Variants in SNTB1 observed in about 807,000 individuals in gnomAD.
SNTB1 encodes the protein beta-1-syntrophin.
SNTB1 carries 36 observed loss-of-function variants against 48.9 expected under a neutral mutation model. The ratio of observed to expected loss-of-function variants is 0.74; its 90% CI spans 0.56 to 0.97. The LOEUF is 0.97. Ranked by LOEUF, SNTB1 falls within the 50% of genes least tolerant of loss-of-function variation. The pLI, the probability that SNTB1 is intolerant of heterozygous loss-of-function variation, is 0.00. For synonymous variants in SNTB1, 299 were observed against 294.6 expected (o/e 1.01, Z -0.15); for missense variants, 786 against 703.4 (o/e 1.12, Z -1.33).
intron 3 of SNTB1, among the ~76,000 whole-genome samples, chr8:120,575,762 G>A (rs1024835011): frequency 2.0e-5 from 3 of 152,166 alleles, no homozygotes; most frequent in African/African-American, 7.2e-5. Context: ...CTCTGGTTCT[G>A]TTGAATGTCC....
At chr8:120,659,992 G>A (rs944121950) in intron 2 of SNTB1, among the ~76,000 whole-genome samples, 11 of 152,156 alleles carry the variant, frequency 7.2e-5, no homozygotes, top group African/African-American at 2.7e-4. Flanking sequence ...CTCAACAGTG[G>A]TCTTAAAATA....
chr8:120,770,775 T>C (rs1188477077), intron 1 of SNTB1, among the ~76,000 whole-genome samples: 2 of 152,186 alleles, frequency 1.3e-5, no homozygotes, highest in African/African-American at 4.8e-5. Flanking sequence ...ATTGTGGCAT[T>C]GCACTCCAGC....
Position 120,632,595 on chromosome 8 carries a change from T to C in SNTB1, c.845A>G (p.Asp282Gly), listed in dbSNP as rs1817003077. The C allele has an allele frequency of 6.2e-7, 1 of 1,614,044 alleles. No homozygotes were observed. Among genetic ancestry groups the C allele is most frequent in the African/African-American group, 1.3e-5 (1 of 74,986 alleles). Residue 282 changes from aspartate to glycine, a missense_variant, in exon 3 of 7, where the codon GAC becomes GGC. Transcript: ENST00000517992. The stretch of plus-strand genomic sequence containing the variant: ...GAACCATGCCTGGGCCGTGGCTGAG[T>C]CCTTGCTCCTTAGGATCACCGTGTG... ...AKHTVILRSK[D>G]SATAQAWFSA...
chr8:120,675,272 A>C (rs1817817284), intron 2 of SNTB1, among the ~76,000 whole-genome samples: 1 of 152,208 alleles, frequency 6.6e-6, no homozygotes, highest in Non-Finnish European at 1.5e-5. Flanking sequence ...TTTACAAAAC[A>C]GGCTAAGCTT....
At chr8:120,752,074 C>T (rs1819227310) in intron 1 of SNTB1, among the ~76,000 whole-genome samples, 1 of 152,050 alleles carries the variant, frequency 6.6e-6, no homozygotes, top group South Asian at 2.1e-4. Context: ...TTAAAAATGA[C>T]ATACACAGTG....
At chr8:120,742,964 T>A (rs1018309591) in intron 1 of SNTB1, among the ~76,000 whole-genome samples, 1 of 152,128 alleles carries the variant, frequency 6.6e-6, no homozygotes, top group African/African-American at 2.4e-5. Context: ...ATTCATATTT[T>A]TGAAAATGAG....
At chr8:120,741,429 C>T (rs1019664965) in intron 1 of SNTB1, among the ~76,000 whole-genome samples, 1 of 152,086 alleles carries the variant, frequency 6.6e-6, no homozygotes, top group South Asian at 2.1e-4. Flanking sequence ...GCCAACATGG[C>T]AAAATGCTGT....
chr8:120,561,186 G>T (rs1192878300), intron 4 of SNTB1, among the ~76,000 whole-genome samples: 1 of 151,842 alleles, frequency 6.6e-6, no homozygotes, highest in East Asian at 1.9e-4. Context: ...AATTAGACGG[G>T]CATGGTAGCA....
intron 2 of SNTB1, among the ~76,000 whole-genome samples, chr8:120,658,494 A>G (rs138211795): frequency 6.6e-6 from 1 of 152,356 alleles, no homozygotes; most frequent in East Asian, 1.9e-4. Context: ...ATATGACCAT[A>G]CAGTGAATAT....
chr8:120,596,440 C>T (rs1370488401), intron 3 of SNTB1, among the ~76,000 whole-genome samples: 1 of 152,180 alleles, frequency 6.6e-6, no homozygotes, highest in Non-Finnish European at 1.5e-5. Context: ...TTGCTACAAA[C>T]CAATCATGAC....
At chr8:120,785,599 G>A (rs745971860) in intron 1 of SNTB1, among the ~76,000 whole-genome samples, 13 of 152,236 alleles carry the variant, frequency 8.5e-5, no homozygotes, top group Non-Finnish European at 1.2e-4. Context: ...TGAGAAGCCA[G>A]TGCATGGACT....
chr8:120,687,421 A>G (rs1818052488), intron 2 of SNTB1, among the ~76,000 whole-genome samples: 1 of 152,238 alleles, frequency 6.6e-6, no homozygotes, highest in Non-Finnish European at 1.5e-5. Flanking sequence ...GGGAAGGGCC[A>G]CATGGGAAAC....
At chr8:120,808,911 G>A (rs1024705332) in intron 1 of SNTB1, among the ~76,000 whole-genome samples, 27 of 152,118 alleles carry the variant, frequency 1.8e-4, no homozygotes, top group Admixed American at 1.1e-3. Context: ...TTAAAAAAAA[G>A]GGTGCACTTG....
intron 3 of SNTB1, among the ~76,000 whole-genome samples, chr8:120,592,218 G>C (rs564273080): frequency 6.6e-6 from 1 of 152,022 alleles, no homozygotes; most frequent in South Asian, 2.1e-4. Context: ...GCCTAGCTCT[G>C]TCACCCAGGC....
At chr8:120,639,215 C>T (rs886480318) in intron 2 of SNTB1, among the ~76,000 whole-genome samples, 2 of 152,156 alleles carry the variant, frequency 1.3e-5, no homozygotes, top group Non-Finnish European at 2.9e-5. Context: ...TGTTTATATC[C>T]TTTGCTCACT....
intron 2 of SNTB1, among the ~76,000 whole-genome samples, chr8:120,683,549 G>A (rs914909948): frequency 1.3e-5 from 2 of 152,132 alleles, no homozygotes; most frequent in African/African-American, 4.8e-5. Context: ...AAGTGGGTAG[G>A]GTGGTGTGGT....
At chr8:120,629,865 T>G (rs1816950971) in intron 3 of SNTB1, among the ~76,000 whole-genome samples, 1 of 152,212 alleles carries the variant, frequency 6.6e-6, no homozygotes, top group East Asian at 1.9e-4. Context: ...AATCATATGC[T>G]AAAAACAGGA....
intron 1 of SNTB1, among the ~76,000 whole-genome samples, chr8:120,695,731 G>C (rs117346272): frequency 6.6e-6 from 1 of 152,102 alleles, no homozygotes; most frequent in Non-Finnish European, 1.5e-5. Flanking sequence ...TTTATTGAGG[G>C]ACTCAATCAT....
chr8:120,697,939 C>T (rs1176429176), intron 1 of SNTB1, among the ~76,000 whole-genome samples: 1 of 152,016 alleles, frequency 6.6e-6, no homozygotes, highest in East Asian at 1.9e-4. Flanking sequence ...AGAAATTTTA[C>T]AGAATGTAGC....
Sources: gnomAD v4.1 joint callset for allele counts (sites outside exome capture counted in the v4.1 genomes callset) on GRCh38, gnomAD v4.1.1 for gene constraint, MANE v1.5 for transcripts, NCBI Gene and HGNC (gene_info 2026-07-23, HGNC 2026-07-21) for gene names.